USP42: variants seen among roughly 807,000 people sequenced by gnomAD.
The protein encoded by USP42 is ubiquitin specific peptidase 42.
USP42 carries 23 observed loss-of-function variants against 113.0 expected under a neutral mutation model. The ratio of observed to expected loss-of-function variants is 0.20; its 90% CI spans 0.15 to 0.29. The LOEUF is 0.29. USP42 is among the 10% of genes least tolerant of loss of function. USP42 has a pLI of 1.00. For missense variants in USP42, 2,174 were observed against 1,779.8 expected (o/e 1.22, Z -3.99); for synonymous variants, 933 against 699.0 (o/e 1.33, Z -5.28).
intron 12 of USP42, among the ~76,000 whole-genome samples, chr7:6,148,316 AAC>A (rs1302642266): frequency 6.6e-6 from 1 of 152,182 alleles, no homozygotes; most frequent in Non-Finnish European, 1.5e-5. Context: ...CAGCCTGGGC[AAC>A]AGAGTGAGAC....
chr7:6,100,783 C>T (rs1790101873), upstream of USP42, among the ~76,000 whole-genome samples: 1 of 149,964 alleles, frequency 6.7e-6, no homozygotes. Context: ...TCTCCTGCCT[C>T]AGCCTCCTGA....
At chr7:6,120,652 C>G (rs1373725549) in intron 3 of USP42, among the ~76,000 whole-genome samples, 1 of 152,188 alleles carries the variant, frequency 6.6e-6, no homozygotes, top group African/African-American at 2.4e-5. Context: ...GGCACAATCT[C>G]GGCTCACTGC....
At chr7:6,092,178 CTTTT>C in the USP42 span, among the ~76,000 whole-genome samples, 1 of 91,424 alleles carries the variant, frequency 1.1e-5, no homozygotes, top group Non-Finnish European at 2.3e-5. Flanking sequence ...TTCTTCTTCT[CTTTT>C]TTTTTTTTTT....
intron 2 of USP42, among the ~76,000 whole-genome samples, 177 bp from the exon 3 acceptor site, chr7:6,115,146 A>C (rs1779847875): frequency 1.3e-5 from 2 of 152,120 alleles, no homozygotes; most frequent in Non-Finnish European, 2.9e-5. Context: ...AGATCATTGA[A>C]AATTTCTCAT....
At chr7:6,091,959 A>G in the USP42 span, among the ~76,000 whole-genome samples, 1 of 143,346 alleles carries the variant, frequency 7.0e-6, no homozygotes, top group Non-Finnish European at 1.5e-5. Flanking sequence ...AATCCTACTT[A>G]GTCCTCAAGG....
In USP42 at chr7:6,149,666, C is replaced by T; in HGVS notation, c.1470C>T (p.Val490=). 3 of 1,613,920 alleles carry T rather than the reference C, an allele frequency of 1.9e-6. No individual in the cohort carries two copies. Among genetic ancestry groups the T allele is most frequent in the Non-Finnish European group, 2.5e-6 (3 of 1,179,880 alleles). ...CGAGTCCTAACGGGAATTCCAGTGT[C>T]AACAGGGCTAGTCCTGTTAATGCTT... ...SMSSPNGNSS[V]NRASPVNASA... is the part of the protein sequence containing the mutation. Residue 490 remains valine, a synonymous_variant, in exon 13 of 18, where the codon GTC becomes GTT. Coordinates refer to ENST00000306177, the MANE Select transcript of USP42 (RefSeq NM_032172.3).
intron 3 of USP42, among the ~76,000 whole-genome samples, chr7:6,120,057 C>T (rs1006802268): frequency 3.9e-5 from 6 of 152,162 alleles, no homozygotes; most frequent in Non-Finnish European, 5.9e-5. Context: ...CCTACGCCCC[C>T]GGGTTCACGC....
intron 15 of USP42, among the ~76,000 whole-genome samples, chr7:6,155,901 G>A (rs1396352290): frequency 6.6e-6 from 1 of 152,144 alleles, no homozygotes; most frequent in Non-Finnish European, 1.5e-5. Context: ...CGGGACTGCA[G>A]GCGTGTGCTA....
intron 14 of USP42, among the ~76,000 whole-genome samples, chr7:6,152,177 G>A (rs1231285482): frequency 1.3e-5 from 2 of 152,214 alleles, no homozygotes; most frequent in Non-Finnish European, 2.9e-5. Flanking sequence ...CTGTGCAGGC[G>A]GTGCTTGCAT....
chr7:6,155,172 C>G lies in USP42; in HGVS notation c.3618C>G (p.Asp1206Glu). Residue 1206 changes from aspartate (D) to glutamate (E), a missense_variant, in exon 15 of 18, where the codon GAC becomes GAG. Transcript: ENST00000306177. The part of the protein sequence containing the change: ...KKSKKKKKSK[D>E]KHRDRDSRHQ... ...CAAAGAAGAAAAAGAAATCCAAAGA[C>G]AAACACCGAGACCGCGACTCCAGGT... is the stretch of plus-strand genomic sequence containing the variant. The G allele has an allele frequency of 2.6e-6, 4 of 1,538,710 alleles. No individual in the cohort carries two copies. Among genetic ancestry groups the G allele is most frequent in the South Asian group, 2.4e-5 (2 of 83,688 alleles).
chr7:6,091,224 C>CTCTTT, the USP42 span, among the ~76,000 whole-genome samples: 1 of 150,732 alleles, frequency 6.6e-6, no homozygotes, highest in Admixed American at 6.6e-5. Context: ...CTCTTCTCTT[C>CTCTTT]TCTTTTCTTT....
Position 6,147,905 on chromosome 7 carries a change from A to G in USP42, c.1386+13A>G, listed in dbSNP as rs779528308. ...TCACATGATAAAGGTAACAGTCCTT[A>G]GGGAGAAGAACATTTTTATGTTAAT... On this transcript the variant is annotated intron_variant, in intron 12 of 17. Coordinates refer to ENST00000306177, the MANE Select transcript of USP42 (RefSeq NM_032172.3). 1 of 1,575,356 alleles carries G rather than the reference A, an allele frequency of 6.3e-7. No individual in the cohort carries two copies. Among genetic ancestry groups the G allele is most frequent in the East Asian group, 2.3e-5 (1 of 44,044 alleles).
chr7:6,094,716 G>A, the USP42 span, among the ~76,000 whole-genome samples: 29 of 150,902 alleles, frequency 1.9e-4, 1 homozygote, highest in South Asian at 3.7e-3. Context: ...TATTCTCTGC[G>A]ATTTTCTCCC....
the USP42 span, among the ~76,000 whole-genome samples, chr7:6,094,058 A>G: frequency 6.7e-6 from 1 of 149,772 alleles, no homozygotes; most frequent in Non-Finnish European, 1.5e-5. Flanking sequence ...TTTTTTTTGT[A>G]TTTTTAGTAG....
At chr7:6,125,204 A>AAAAT (rs1425244200) in intron 3 of USP42, among the ~76,000 whole-genome samples, 1 of 142,200 alleles carries the variant, frequency 7.0e-6, no homozygotes, top group South Asian at 2.2e-4. Context: ...AAAAAAAAAA[A>AAAAT]CAGGCAGGAT....
At chr7:6,098,943 T>C in the USP42 span, among the ~76,000 whole-genome samples, 2 of 150,338 alleles carry the variant, frequency 1.3e-5, no homozygotes, top group African/African-American at 4.9e-5. Flanking sequence ...TCAGAGGAGC[T>C]TGAAGTTCTA....
chr7:6,141,038 T>A, intron 7 of USP42, 54 bp downstream of exon 7: 1 of 896,994 alleles, frequency 1.1e-6, no homozygotes, highest in Non-Finnish European at 1.7e-6. Context: ...TCATTTTATG[T>A]AACTGTAGTT....
Position 6,153,771 on chromosome 7 carries a change from G to A in USP42, c.2217G>A (p.Glu739=), listed in dbSNP as rs1782209711. Residue 739 remains glutamate (E), a synonymous_variant, in exon 15 of 18, where the codon GAG becomes GAA. Coordinates refer to ENST00000306177, the MANE Select transcript of USP42 (RefSeq NM_032172.3). The part of the protein sequence containing the change: ...STDEMSAPGA[E]RGPPEDRDAE... ...GGGGCTGCAGTGCACCTGGAGCAGAGAGGGGCCCTCCCGAGGACCGCGACG... is the reference window on the plus strand; with the variant it reads ...GGGGCTGCAGTGCACCTGGAGCAGAAAGGGGCCCTCCCGAGGACCGCGACG... 1 of 1,472,798 alleles carries A rather than the reference G, an allele frequency of 6.8e-7. No individual in the cohort carries two copies. Among genetic ancestry groups the A allele is most frequent in the South Asian group, 1.4e-5 (1 of 73,848 alleles). 91.2% of individuals were successfully genotyped at this position (1,472,798 alleles called of 1,614,324 possible). A position where few individuals can be genotyped will look rare whatever the true frequency, so the allele number is the denominator to read the frequency against.
chr7:6,129,148 C>A (rs1486927710), intron 3 of USP42, among the ~76,000 whole-genome samples: 1 of 152,194 alleles, frequency 6.6e-6, no homozygotes, highest in African/African-American at 2.4e-5. Flanking sequence ...CACATTTACA[C>A]ACACATAACT....
Sources: allele counts gnomAD v4.1 joint callset (sites outside exome capture counted in the v4.1 genomes callset), GRCh38; gene constraint gnomAD v4.1.1; transcripts MANE v1.5; gene names NCBI Gene and HGNC (gene_info 2026-07-23, HGNC 2026-07-21).